NFIB: variants seen among roughly 807,000 people sequenced by gnomAD.
NFIB encodes the protein nuclear factor I B.
Under a neutral mutation model 61.5 loss-of-function variants are expected in NFIB, and 11 were observed. The observed-to-expected ratio is 0.18, with a 90% confidence interval of 0.11 to 0.30. The LOEUF (loss-of-function observed/expected upper bound fraction) is 0.30, where lower values mean the gene tolerates loss of function less well. Among genes scored for constraint, NFIB ranks in the 10% least tolerant of loss-of-function variants. The pLI is 1.00. For synonymous variants in NFIB, 260 were observed against 216.5 expected (o/e 1.20, Z -1.76); for missense variants, 471 against 608.9 (o/e 0.77, Z 2.38).
intron 2 of NFIB, among the ~76,000 whole-genome samples, chr9:14,293,470 A>G (rs991436690): frequency 1.3e-5 from 2 of 152,246 alleles, no homozygotes; most frequent in Admixed American, 6.5e-5. Context: ...CTCAACAATA[A>G]TAAAGAAGCC....
chr9:14,516,452 TTG>T, the NFIB span, among the ~76,000 whole-genome samples: 1 of 152,166 alleles, frequency 6.6e-6, no homozygotes, highest in African/African-American at 2.4e-5. Flanking sequence ...AGGAACGAAA[TTG>T]TGTTTCTCTG....
intron 5 of NFIB, among the ~76,000 whole-genome samples, chr9:14,147,780 T>G (rs1367824345): frequency 6.6e-6 from 1 of 151,522 alleles, no homozygotes; most frequent in African/African-American, 2.4e-5. Flanking sequence ...TAGCTTGAAC[T>G]ATAGGTGCCT....
At chr9:14,522,609 A>T in the NFIB span, among the ~76,000 whole-genome samples, 2 of 152,166 alleles carry the variant, frequency 1.3e-5, no homozygotes, top group Non-Finnish European at 2.9e-5. Context: ...AGGACTATCG[A>T]TAATAGCAAA....
intron 2 of NFIB, among the ~76,000 whole-genome samples, chr9:14,258,681 T>C (rs566976028): frequency 1.3e-5 from 2 of 152,358 alleles, no homozygotes; most frequent in South Asian, 4.1e-4. Flanking sequence ...TTTCAACTGT[T>C]TACTTTTCCA....
At chr9:14,245,245 A>G (rs1008552197) in intron 2 of NFIB, among the ~76,000 whole-genome samples, 9 of 152,212 alleles carry the variant, frequency 5.9e-5, no homozygotes, top group African/African-American at 2.2e-4. Context: ...TGACGAAATT[A>G]GAAACATCAC....
intron 1 of NFIB, among the ~76,000 whole-genome samples, chr9:14,349,162 C>G (rs1026875663): frequency 6.6e-6 from 1 of 152,322 alleles, no homozygotes; most frequent in Non-Finnish European, 1.5e-5. Flanking sequence ...GGGAGCGAAG[C>G]TAGCGAGGAC....
At chr9:14,182,732 G>C (rs1204487975) in intron 2 of NFIB, among the ~76,000 whole-genome samples, 23 of 150,202 alleles carry the variant, frequency 1.5e-4, no homozygotes, top group African/African-American at 4.9e-4. Flanking sequence ...GTGTGTGTGT[G>C]TGTGTGTGTG....
the NFIB span, among the ~76,000 whole-genome samples, chr9:14,410,514 AC>A: frequency 6.6e-6 from 1 of 152,222 alleles, no homozygotes; most frequent in African/African-American, 2.4e-5. Context: ...GAGCATGATT[AC>A]CTTTGCCTCT....
At position 14,120,423 on chromosome 9, in the gene NFIB, TTC is replaced by T; in HGVS notation, c.1245+15_1245+16del. Reference sequence around the variant, plus strand: ...ATCTCCCTTAGGTGCTAATCTTATTTTCTCTCTTATTTTTACCTGGCTGGTTT... The same window carrying T: ...ATCTCCCTTAGGTGCTAATCTTATTTTCTCTTATTTTTACCTGGCTGGTTT... On this transcript the variant is annotated intron_variant, in intron 8 of 10. Coordinates refer to ENST00000380953, the MANE Select transcript of NFIB (RefSeq NM_001190737.2). This position sits in a 1 kb window ranked among gnomAD's most constrained non-coding sequence, Gnocchi z 4.4. 1 of 1,613,126 alleles carries T rather than the reference TTC, an allele frequency of 6.2e-7. No individual in the cohort carries two copies. The highest frequency in any genetic ancestry group is 8.5e-7 in the Non-Finnish European group (1 of 1,179,180).
At chr9:14,248,609 T>A (rs1419444522) in intron 2 of NFIB, among the ~76,000 whole-genome samples, 1 of 152,078 alleles carries the variant, frequency 6.6e-6, no homozygotes, top group Non-Finnish European at 1.5e-5. Flanking sequence ...AATTTTCCTC[T>A]GGGAAGCCAC....
chr9:14,340,308 G>A (rs1485976819), intron 1 of NFIB, among the ~76,000 whole-genome samples: 1 of 152,156 alleles, frequency 6.6e-6, no homozygotes, highest in African/African-American at 2.4e-5. Flanking sequence ...AAAAGAATGG[G>A]CGTTCTTCAC....
At chr9:14,242,405 C>T (rs1011175840) in intron 2 of NFIB, among the ~76,000 whole-genome samples, 6 of 152,186 alleles carry the variant, frequency 3.9e-5, no homozygotes, top group African/African-American at 1.4e-4. Context: ...CAGGAAGAAA[C>T]AGATTGGGGA....
chr9:14,123,482 A>T (rs1195551801), intron 7 of NFIB, among the ~76,000 whole-genome samples: 1 of 152,146 alleles, frequency 6.6e-6, no homozygotes, highest in Non-Finnish European at 1.5e-5. Flanking sequence ...TTCTCCGCTA[A>T]AATTATTTCA....
chr9:14,494,020 C>T, the NFIB span, among the ~76,000 whole-genome samples: 2 of 152,142 alleles, frequency 1.3e-5, no homozygotes, highest in African/African-American at 4.8e-5. Context: ...ATCTCTTCTT[C>T]AAAAAGGTTC....
At chr9:14,505,826 A>G in the NFIB span, among the ~76,000 whole-genome samples, 279 of 152,318 alleles carry the variant, frequency 1.8e-3, 2 homozygotes, top group Non-Finnish European at 3.5e-3. Flanking sequence ...ACTCTCACCA[A>G]GAAATACCTG....
At chr9:14,262,660 T>C (rs2056867294) in intron 2 of NFIB, among the ~76,000 whole-genome samples, 1 of 152,216 alleles carries the variant, frequency 6.6e-6, no homozygotes, top group Non-Finnish European at 1.5e-5. Flanking sequence ...TGCCTTCTCC[T>C]TTCGTAAATT....
chr9:14,458,908 G>A, the NFIB span, among the ~76,000 whole-genome samples: 3 of 151,892 alleles, frequency 2.0e-5, no homozygotes, highest in Admixed American at 6.6e-5. Context: ...CTCATGGATA[G>A]GAAGAATCAA....
intron 1 of NFIB, among the ~76,000 whole-genome samples, chr9:14,338,555 C>T (rs924254006): frequency 1.3e-5 from 2 of 152,158 alleles, no homozygotes; most frequent in African/African-American, 4.8e-5. Flanking sequence ...ATTTTATCTA[C>T]AGAAGTGAAG....
the NFIB span, among the ~76,000 whole-genome samples, chr9:14,491,277 C>T: frequency 6.6e-6 from 1 of 152,100 alleles, no homozygotes; most frequent in Admixed American, 6.5e-5. Context: ...AAAGAGTGCA[C>T]ATAGGCTTTT....
Sources: allele counts gnomAD v4.1 joint callset (sites outside exome capture counted in the v4.1 genomes callset), GRCh38; gene constraint gnomAD v4.1.1; non-coding constraint Gnocchi (gnomAD v3.1); transcripts MANE v1.5; gene names NCBI Gene and HGNC (gene_info 2026-07-23, HGNC 2026-07-21).